SLC14A2: variants seen among roughly 807,000 people sequenced by gnomAD.
SLC14A2 encodes solute carrier family 14 member 2, also known as urea transporter 2.
Under a neutral mutation model 104.6 loss-of-function variants are expected in SLC14A2, and 91 were observed. The ratio of observed to expected loss-of-function variants is 0.87; its 90% CI spans 0.73 to 1.04. The LOEUF (loss-of-function observed/expected upper bound fraction) is 1.04, where lower values mean the gene tolerates loss of function less well. Among genes scored for constraint, SLC14A2 ranks in the 50% least tolerant of loss-of-function variants. The pLI, the probability that SLC14A2 is intolerant of heterozygous loss-of-function variation, is 0.00. For synonymous variants in SLC14A2, 476 were observed against 466.4 expected (o/e 1.02, Z -0.27); for missense variants, 1,189 against 1,156.0 (o/e 1.03, Z -0.41).
intron 2 of SLC14A2, among the ~76,000 whole-genome samples, chr18:45,599,396 T>C (rs1347190333): frequency 6.6e-6 from 1 of 152,216 alleles, no homozygotes; most frequent in African/African-American, 2.4e-5. Flanking sequence ...CCAGTTAGGT[T>C]CAGCGAGATG....
intron 1 of SLC14A2, among the ~76,000 whole-genome samples, chr18:45,387,457 G>A (rs1027351807): frequency 3.3e-5 from 5 of 152,112 alleles, no homozygotes; most frequent in Non-Finnish European, 7.3e-5. Context: ...GGAAAGCAAG[G>A]GCAGTCTCTA....
chr18:45,449,997 G>A lies in SLC14A2; in HGVS notation c.-124-33236G>A, dbSNP rs569570567. Among the ~76,000 whole-genome samples the A allele has an allele frequency of 5.3e-5, 8 of 152,260 alleles. No homozygotes were observed. In the South Asian group the frequency reaches 1.2e-3, roughly 24 times the overall value. Reference sequence around the variant, plus strand: ...CTTACAGAAACACCCAGCTGGCATCGGTCCCATGAACCATCTGCCTGTCTC... The same window carrying A: ...CTTACAGAAACACCCAGCTGGCATCAGTCCCATGAACCATCTGCCTGTCTC... On this transcript the variant is annotated intron_variant, in intron 1 of 20. Coordinates refer to the SLC14A2 transcript ENST00000586448.
the SLC14A2 span, among the ~76,000 whole-genome samples, chr18:45,198,317 T>C: frequency 6.6e-6 from 1 of 152,140 alleles, no homozygotes; most frequent in Non-Finnish European, 1.5e-5. Context: ...AACACATAGA[T>C]AAAGTTTACC....
At chr18:45,411,637 T>C (rs901707360) in intron 1 of SLC14A2, among the ~76,000 whole-genome samples, 1 of 152,158 alleles carries the variant, frequency 6.6e-6, no homozygotes, top group African/African-American at 2.4e-5. Flanking sequence ...GTAATAAAGA[T>C]GATAAGTCCT....
chr18:45,562,990 G>A (rs769851401), intron 2 of SLC14A2, among the ~76,000 whole-genome samples: 6 of 152,090 alleles, frequency 3.9e-5, no homozygotes, highest in Non-Finnish European at 7.4e-5. Flanking sequence ...ATAGTTCCTC[G>A]GGGCTTTTAA....
At chr18:45,605,116 C>G (rs767923039) in intron 2 of SLC14A2, among the ~76,000 whole-genome samples, 1 of 152,132 alleles carries the variant, frequency 6.6e-6, no homozygotes, top group Non-Finnish European at 1.5e-5. Flanking sequence ...GGCTCCAGGG[C>G]CTGCATGAGC....
intron 1 of SLC14A2, among the ~76,000 whole-genome samples, chr18:45,338,415 A>T (rs2085357834): frequency 6.6e-6 from 1 of 151,944 alleles, no homozygotes; most frequent in African/African-American, 2.4e-5. Context: ...CTTAGCCAGG[A>T]TGGTTTCGAT....
At chr18:45,642,748 G>C (rs898308072) in intron 8 of SLC14A2, among the ~76,000 whole-genome samples, 2 of 151,656 alleles carry the variant, frequency 1.3e-5, no homozygotes, top group African/African-American at 4.8e-5. Flanking sequence ...GCAGGAGCTC[G>C]TATAGTCTGA....
At chr18:45,461,463 A>G (rs1014966889) in intron 1 of SLC14A2, among the ~76,000 whole-genome samples, 1 of 152,222 alleles carries the variant, frequency 6.6e-6, no homozygotes, top group African/African-American at 2.4e-5. Flanking sequence ...GCTCTAGACT[A>G]CAATCTATTC....
intron 2 of SLC14A2, among the ~76,000 whole-genome samples, chr18:45,536,549 T>A (rs2144845619): frequency 6.6e-6 from 1 of 152,222 alleles, no homozygotes; most frequent in Non-Finnish European, 1.5e-5. Flanking sequence ...TGTCTCTTCT[T>A]CTCCAGAGGA....
chr18:45,274,822 T>C (rs1180259144), intron 1 of SLC14A2, among the ~76,000 whole-genome samples: 2 of 152,250 alleles, frequency 1.3e-5, no homozygotes, highest in East Asian at 3.8e-4. Context: ...TTGCTCCTTA[T>C]TGAACACATC....
intron 1 of SLC14A2, among the ~76,000 whole-genome samples, chr18:45,395,231 A>G (rs1053223792): frequency 1.3e-5 from 2 of 152,236 alleles, no homozygotes; most frequent in African/African-American, 4.8e-5. Flanking sequence ...GTCATAGGCT[A>G]TAATATGGAT....
intron 1 of SLC14A2, among the ~76,000 whole-genome samples, chr18:45,328,510 A>G (rs2085258345): frequency 6.6e-6 from 1 of 152,172 alleles, no homozygotes. Flanking sequence ...CAGTCTTGAG[A>G]TTCATGAAGT....
intron 2 of SLC14A2, among the ~76,000 whole-genome samples, chr18:45,513,012 C>T (rs900855667): frequency 5.9e-5 from 9 of 152,078 alleles, no homozygotes; most frequent in African/African-American, 2.2e-4. Context: ...ATAGATGGGC[C>T]CCAGAAACTT....
chr18:45,384,125 G>A (rs184295354), intron 1 of SLC14A2, among the ~76,000 whole-genome samples: 2 of 152,126 alleles, frequency 1.3e-5, no homozygotes, highest in East Asian at 1.9e-4. Flanking sequence ...GAGGTAAATG[G>A]CATATGTGTG....
intron 2 of SLC14A2, chr18:45,515,538 T>A (rs2043426657): frequency 6.6e-6 from 1 of 152,128 alleles, no homozygotes. Flanking sequence ...AAAGAAGAGA[T>A]CAGCACGTGG....
intron 1 of SLC14A2, among the ~76,000 whole-genome samples, chr18:45,432,650 T>C (rs1435215706): frequency 6.6e-6 from 1 of 152,188 alleles, no homozygotes; most frequent in Non-Finnish European, 1.5e-5. Context: ...ATTTCGGCTT[T>C]GTGAGTACAC....
intron 10 of SLC14A2, among the ~76,000 whole-genome samples, chr18:45,648,467 G>C (rs1244300813): frequency 6.6e-6 from 1 of 151,932 alleles, no homozygotes; most frequent in Non-Finnish European, 1.5e-5. Context: ...GGCCTCCCAA[G>C]GTGCTGGGAT....
intron 1 of SLC14A2, among the ~76,000 whole-genome samples, chr18:45,330,493 G>T (rs1213014845): frequency 6.6e-6 from 1 of 152,052 alleles, no homozygotes; most frequent in Non-Finnish European, 1.5e-5. Flanking sequence ...GCTGAGGAGT[G>T]ATGAACGTGG....
Sources: allele counts gnomAD v4.1 joint callset (sites outside exome capture counted in the v4.1 genomes callset), GRCh38; gene constraint gnomAD v4.1.1; transcripts MANE v1.5; gene names NCBI Gene and HGNC (gene_info 2026-07-23, HGNC 2026-07-21).